ATP8A2: variants seen among roughly 807,000 people sequenced by gnomAD.
The protein encoded by ATP8A2 is ATPase phospholipid transporting 8A2, also known as phospholipid-transporting ATPase IB.
Under a neutral mutation model 165.6 loss-of-function variants are expected in ATP8A2, and 100 were observed. The observed-to-expected ratio is 0.60, with a 90% CI of 0.51 to 0.71. The LOEUF (loss-of-function observed/expected upper bound fraction) is 0.71. ATP8A2 is among the 30% of genes least tolerant of loss of function. The pLI, the probability that ATP8A2 is intolerant of heterozygous loss-of-function variation, is 0.00. For synonymous variants in ATP8A2, 543 were observed against 548.8 expected, an observed-to-expected ratio of 0.99 and a Z score of 0.15; for missense variants, 1,227 against 1,479.5, an observed-to-expected ratio of 0.83 and a Z score of 2.80.
At chr13:25,568,780 C>T (rs1345425174) in intron 16 of ATP8A2, among the ~76,000 whole-genome samples, 1 of 151,962 alleles carries the variant, frequency 6.6e-6, no homozygotes, top group Non-Finnish European at 1.5e-5. Flanking sequence ...TATAGTTTAC[C>T]ACAATACAAA....
intron 30 of ATP8A2, among the ~76,000 whole-genome samples, chr13:25,840,803 G>A (rs1951732881): frequency 6.6e-6 from 1 of 152,074 alleles, no homozygotes; most frequent in Non-Finnish European, 1.5e-5. Flanking sequence ...GTAGCAGGAA[G>A]GATTAGTGAT....
At chr13:25,522,099 G>A (rs961316665) in intron 2 of ATP8A2, among the ~76,000 whole-genome samples, 2 of 152,096 alleles carry the variant, frequency 1.3e-5, no homozygotes, top group Admixed American at 1.3e-4. Context: ...TAATCCATGA[G>A]CATGGAATAT....
At position 26,012,614 on chromosome 13, in the gene ATP8A2, G is replaced by C; in HGVS notation, c.3461G>C (p.Gly1154Ala). Residue 1154 changes from glycine to alanine, a missense_variant, in exon 36 of 37, where the codon GGC (glycine) becomes GCC (alanine). Physicochemically the swap from Gly to Ala is moderately conservative, Grantham distance 60. Around this residue, in one of 5 missense-constraint regions of ATP8A2, gnomAD observed 260 missense variants for 245.1 expected, o/e 1.06. Transcript: ENST00000381655. ...TTCCGGGGCAGCTCCCTGCAGCAGG[G>C]CGTCCCGCGTGAGTACCGCGGGCGG... ...TLFRGSSLQQ[G>A]VPHGYAFSQE... 6.7e-7 allele frequency: 1 copy of C among 1,491,372 alleles called. No individual in the cohort carries two copies. The highest frequency in any genetic ancestry group is 8.9e-7 in the Non-Finnish European group (1 of 1,120,758). 92.4% of individuals were successfully genotyped at this position (1,491,372 alleles called of 1,614,324 possible).
intron 2 of ATP8A2, among the ~76,000 whole-genome samples, chr13:25,505,206 G>GGC (rs1357571897): frequency 2.1e-5 from 3 of 141,836 alleles, no homozygotes; most frequent in East Asian, 4.2e-4. Context: ...GCGGGGCGGG[G>GGC]GGGGGTGGTG....
intron 33 of ATP8A2, among the ~76,000 whole-genome samples, chr13:25,917,402 G>A (rs924323974): frequency 1.3e-5 from 2 of 152,158 alleles, no homozygotes; most frequent in Non-Finnish European, 2.9e-5. Flanking sequence ...CAAAGTCAAG[G>A]CAAATATGAT....
At chr13:25,811,510 G>A (rs895389352) in intron 27 of ATP8A2, among the ~76,000 whole-genome samples, 5 of 152,038 alleles carry the variant, frequency 3.3e-5, no homozygotes, top group African/African-American at 1.2e-4. Context: ...CCTTGCCCCG[G>A]TTGTACTTCT....
chr13:25,480,778 T>C (rs1348382293), intron 2 of ATP8A2, among the ~76,000 whole-genome samples: 1 of 150,328 alleles, frequency 6.7e-6, no homozygotes, highest in African/African-American at 2.5e-5. Context: ...GGCTGCACTC[T>C]GGGCACTTTG....
At chr13:25,746,232 A>G (rs774930767) in intron 25 of ATP8A2, among the ~76,000 whole-genome samples, 2 of 151,900 alleles carry the variant, frequency 1.3e-5, no homozygotes, top group African/African-American at 4.8e-5. Context: ...CCCCCAAAAA[A>G]CTCCCAAACG....
chr13:25,599,024 G>A (rs1449406626), intron 24 of ATP8A2, among the ~76,000 whole-genome samples: 1 of 149,422 alleles, frequency 6.7e-6, no homozygotes, highest in African/African-American at 2.4e-5. Context: ...TCATGCATGA[G>A]CCCTGGGAAT....
At chr13:25,535,448 G>T (rs2038247464) in intron 6 of ATP8A2, among the ~76,000 whole-genome samples, 1 of 152,164 alleles carries the variant, frequency 6.6e-6, no homozygotes, top group African/African-American at 2.4e-5. Context: ...CAGGGATCTG[G>T]AAGGTTTCTG....
intron 30 of ATP8A2, among the ~76,000 whole-genome samples, chr13:25,843,677 A>G (rs116276103): frequency 3.3e-5 from 5 of 152,154 alleles, no homozygotes; most frequent in Admixed American, 6.5e-5. Context: ...GTTATAATCC[A>G]TGCAGTTTAT....
chr13:25,890,199 G>A lies in ATP8A2; in HGVS notation c.3183+27791G>A, dbSNP rs1309927856. Among the ~76,000 whole-genome samples the A allele has an allele frequency of 2.6e-5, 4 of 152,100 alleles. No homozygotes were observed. In the East Asian group the frequency reaches 7.7e-4, roughly 29 times the overall value. The stretch of plus-strand genomic sequence containing the variant: ...AGAAAAAAAATTTTACCGTCTCTCT[G>A]GGTTACATTATATATACCAAGGTTT... On this transcript the variant is annotated intron_variant, in intron 33 of 36. Coordinates refer to ENST00000381655, the MANE Select transcript of ATP8A2 (RefSeq NM_016529.6).
intron 25 of ATP8A2, among the ~76,000 whole-genome samples, chr13:25,721,154 AG>A (rs1555254863): frequency 6.6e-6 from 1 of 151,488 alleles, no homozygotes; most frequent in Non-Finnish European, 1.5e-5. Context: ...GGTAGGGATA[AG>A]GGTCTTGCTG....
Position 25,589,519 on chromosome 13 carries a change from C to T in ATP8A2, c.2147-116C>T, listed in dbSNP as rs149281569. On this transcript the variant is annotated intron_variant, in intron 23 of 36. Transcript: ENST00000381655. The stretch of plus-strand genomic sequence containing the variant: ...ACTTTTCCTACTCCTCACTGTTACC[C>T]TATTCCTCTGTGTGAGCCAATAGGC... 866 of 705,508 alleles carry T rather than the reference C, an allele frequency of 1.2e-3. 3 individuals carry two copies. Among genetic ancestry groups the T allele is most frequent in the Non-Finnish European group, 1.8e-3 (711 of 398,766 alleles). The allele number at this position is 705,508 out of a possible 1,614,324, so 43.7% of individuals were successfully genotyped here.
chr13:25,805,933 A>G (rs1019798847), intron 27 of ATP8A2, among the ~76,000 whole-genome samples: 55 of 152,178 alleles, frequency 3.6e-4, no homozygotes, highest in African/African-American at 1.3e-3. Flanking sequence ...AAAAAATGCA[A>G]ACACTTTAAT....
chr13:25,665,981 C>CTGT (rs940097841), intron 24 of ATP8A2, among the ~76,000 whole-genome samples: 20 of 150,332 alleles, frequency 1.3e-4, no homozygotes, highest in Admixed American at 1.3e-3. Flanking sequence ...GTTAAGAATG[C>CTGT]TGTTTCTCTT....
At chr13:25,988,908 G>A (rs1266195423) in intron 35 of ATP8A2, among the ~76,000 whole-genome samples, 2 of 152,156 alleles carry the variant, frequency 1.3e-5, no homozygotes, top group Non-Finnish European at 2.9e-5. Context: ...TCCACTGATT[G>A]GGCAGTGTGT....
chr13:25,699,050 C>T, intron 24 of ATP8A2, 123 bp from the exon 25 acceptor site: 4 of 733,984 alleles, frequency 5.4e-6, no homozygotes, highest in Non-Finnish European at 8.2e-6. Context: ...CAAAGCTGAA[C>T]TGATAGTATA....
In ATP8A2 at chr13:25,420,679, C is replaced by A. The variant is rs191302037; in HGVS notation, c.77-48298C>A. Reference sequence around the variant, plus strand: ...TGTTTACCTATGTAACAAGCCTGCACATCCTGCACATGTATCACAGAACTT... The same window carrying A: ...TGTTTACCTATGTAACAAGCCTGCAAATCCTGCACATGTATCACAGAACTT... On this transcript the variant is annotated intron_variant, in intron 1 of 36. Coordinates refer to ENST00000381655, the MANE Select transcript of ATP8A2 (RefSeq NM_016529.6). Among the ~76,000 whole-genome samples, 13 of 152,322 alleles carry A rather than the reference C, an allele frequency of 8.5e-5. No homozygotes were observed. In the East Asian group the frequency reaches 2.5e-3, roughly 29 times the overall value.
Sources: allele counts gnomAD v4.1 joint callset (sites outside exome capture counted in the v4.1 genomes callset), GRCh38; gene constraint gnomAD v4.1.1; regional missense constraint gnomAD v4.1.1; transcripts MANE v1.5; gene names NCBI Gene and HGNC (gene_info 2026-07-23, HGNC 2026-07-21).